The following MYO3B variants were observed in gnomAD, a reference collection of about 807,000 sequenced individuals.
MYO3B encodes myosin IIIB, also known as myosin-IIIb.
MYO3B carries 156 observed loss-of-function variants against 174.6 expected under a neutral mutation model. The ratio of observed to expected loss-of-function variants is 0.89; its 90% confidence interval spans 0.78 to 1.02. The LOEUF (loss-of-function observed/expected upper bound fraction) is 1.02. Ranked by LOEUF, MYO3B falls within the 50% of genes least tolerant of loss-of-function variation. The probability of loss-of-function intolerance (pLI) is 0.00; values close to 1 mark genes in which losing one functional copy is unlikely to be tolerated. For synonymous variants in MYO3B, 563 were observed against 569.1 expected, an observed-to-expected ratio of 0.99 and a Z score of 0.15; for missense variants, 1,632 against 1,639.4, an observed-to-expected ratio of 1.00 and a Z score of 0.08.
At chr2:170,496,098 G>A (rs1237926704) in intron 25 of MYO3B, among the ~76,000 whole-genome samples, 1 of 152,164 alleles carries the variant, frequency 6.6e-6, no homozygotes, top group African/African-American at 2.4e-5. Context: ...GCATCATCTG[G>A]TCTTGGCTAC....
intron 23 of MYO3B, among the ~76,000 whole-genome samples, chr2:170,459,838 C>G (rs1443162312): frequency 2.0e-5 from 3 of 152,134 alleles, no homozygotes; most frequent in Non-Finnish European, 4.4e-5. Context: ...GGTGGGGGAC[C>G]TGGTGCACCT....
chr2:170,515,553 G>A (rs1056800542), intron 29 of MYO3B, among the ~76,000 whole-genome samples: 2 of 151,974 alleles, frequency 1.3e-5, no homozygotes, highest in African/African-American at 4.8e-5. Context: ...CTCCAGTCAC[G>A]GTAACATGAG....
chr2:170,471,310 A>G (rs1684964667), intron 25 of MYO3B, among the ~76,000 whole-genome samples: 1 of 152,158 alleles, frequency 6.6e-6, no homozygotes, highest in Admixed American at 6.5e-5. Flanking sequence ...TCAGCCTCCC[A>G]AAGTGCTAGG....
intron 32 of MYO3B, among the ~76,000 whole-genome samples, chr2:170,576,427 C>T (rs543724796): frequency 2.3e-4 from 35 of 152,266 alleles, no homozygotes; most frequent in African/African-American, 8.2e-4. Flanking sequence ...GCTGTGGTGA[C>T]CGTGGTAGGA....
At chr2:170,476,266 A>G (rs192085020) in intron 25 of MYO3B, among the ~76,000 whole-genome samples, 1 of 152,318 alleles carries the variant, frequency 6.6e-6, no homozygotes, top group East Asian at 1.9e-4. Flanking sequence ...CCAAGTGGGC[A>G]TGTTACAGTG....
chr2:170,491,575 G>A (rs570932929), intron 25 of MYO3B, among the ~76,000 whole-genome samples: 16 of 152,222 alleles, frequency 1.1e-4, no homozygotes, highest in African/African-American at 2.2e-4. Context: ...ATAGGTGCCC[G>A]CCACCATGCC....
intron 27 of MYO3B, among the ~76,000 whole-genome samples, chr2:170,500,764 G>T (rs954385487): frequency 6.6e-6 from 1 of 152,178 alleles, no homozygotes; most frequent in Non-Finnish European, 1.5e-5. Flanking sequence ...GTGGTCAGGT[G>T]TTCAGTACCA....
chr2:170,339,027 A>G (rs1006389776), intron 8 of MYO3B, among the ~76,000 whole-genome samples: 3 of 152,246 alleles, frequency 2.0e-5, no homozygotes, highest in Admixed American at 6.5e-5. Context: ...AATTCAGTAT[A>G]AACAATGATA....
intron 3 of MYO3B, among the ~76,000 whole-genome samples, chr2:170,214,006 A>G (rs2092801353): frequency 6.6e-6 from 1 of 152,230 alleles, no homozygotes; most frequent in Non-Finnish European, 1.5e-5. Context: ...GACAATATTC[A>G]TATAAAGTGA....
At chr2:170,467,075 G>A (rs766094849) in intron 25 of MYO3B, among the ~76,000 whole-genome samples, 5 of 152,148 alleles carry the variant, frequency 3.3e-5, no homozygotes, top group Non-Finnish European at 7.3e-5. Flanking sequence ...GTTCTGGCAT[G>A]ATATAATACG....
rs560269713 is a variant in MYO3B, at chr2:170,466,488, C to G, written c.2809-18C>G. ...GTTGGTGGTAACCTTGTTCCTTGTG[C>G]ATTTTTCTCCCTGGTAGTATTCTCT... is the stretch of plus-strand genomic sequence containing the variant. On this transcript the variant is annotated intron_variant, in intron 24 of 34. Coordinates refer to ENST00000408978, the MANE Select transcript of MYO3B (RefSeq NM_138995.5). 11 of 1,612,290 alleles carry G rather than the reference C, an allele frequency of 6.8e-6. No homozygotes were observed. The East Asian group carries it at 2.2e-4, about 33-fold the overall frequency.
chr2:170,570,838 T>TAG (rs760117256), intron 32 of MYO3B, among the ~76,000 whole-genome samples: 27 of 152,134 alleles, frequency 1.8e-4, no homozygotes, highest in Non-Finnish European at 3.1e-4. Context: ...ATCAAAATGC[T>TAG]CTACAAACTA....
chr2:170,372,705 A>G (rs1348205993), intron 9 of MYO3B, among the ~76,000 whole-genome samples: 2 of 152,218 alleles, frequency 1.3e-5, no homozygotes. Context: ...GATACCTCTC[A>G]GAGCACCTGG....
chr2:170,312,319 C>A (rs965743252), intron 7 of MYO3B, among the ~76,000 whole-genome samples: 5 of 152,244 alleles, frequency 3.3e-5, no homozygotes, highest in African/African-American at 1.2e-4. Flanking sequence ...CCTTCTCTGA[C>A]TCATCCAGAC....
intron 32 of MYO3B, among the ~76,000 whole-genome samples, chr2:170,559,903 T>C (rs1475204638): frequency 1.3e-5 from 2 of 152,114 alleles, no homozygotes; most frequent in African/African-American, 2.4e-5. Flanking sequence ...TGTTCCTGGG[T>C]TCCTAAGAAT....
At chr2:170,569,401 G>T (rs1349755584) in intron 32 of MYO3B, among the ~76,000 whole-genome samples, 1 of 151,978 alleles carries the variant, frequency 6.6e-6, no homozygotes, top group African/African-American at 2.4e-5. Flanking sequence ...TCTAAAAGCT[G>T]TTCTTCTGGA....
In MYO3B at chr2:170,323,228, G is replaced by T. The variant is rs1162460763; in HGVS notation, c.750-12157G>T. 2.6e-5 allele frequency among the ~76,000 whole-genome samples: 4 copies of T among 152,294 alleles called. No homozygotes were observed. In the East Asian group the frequency reaches 7.7e-4, roughly 29 times the overall value. On this transcript the variant is annotated intron_variant, in intron 7 of 34. Coordinates refer to ENST00000408978, the MANE Select transcript of MYO3B (RefSeq NM_138995.5). ...GTTTTACCAGCTGTGACTTTGGAGGGAGCTAAATGACAGAAAACACGTAAA... is the reference window on the plus strand; with the variant it reads ...GTTTTACCAGCTGTGACTTTGGAGGTAGCTAAATGACAGAAAACACGTAAA...
intron 25 of MYO3B, among the ~76,000 whole-genome samples, chr2:170,492,163 T>C (rs894235584): frequency 6.6e-6 from 1 of 152,238 alleles, no homozygotes; most frequent in African/African-American, 2.4e-5. Context: ...TATTGTCCTA[T>C]GAATTATGAA....
intron 8 of MYO3B, among the ~76,000 whole-genome samples, chr2:170,359,443 G>A (rs1190257273): frequency 6.6e-6 from 1 of 152,034 alleles, no homozygotes; most frequent in Non-Finnish European, 1.5e-5. Flanking sequence ...ATTTTCTAAA[G>A]CAAATATCTA....
Sources: allele counts gnomAD v4.1 joint callset (sites outside exome capture counted in the v4.1 genomes callset), GRCh38; gene constraint gnomAD v4.1.1; transcripts MANE v1.5; gene names NCBI Gene and HGNC (gene_info 2026-07-23, HGNC 2026-07-21).